Variants in TENM3 observed in about 807,000 individuals in gnomAD.
TENM3 encodes teneurin-3.
A neutral mutation model predicts 255.1 loss-of-function variants in TENM3; 63 were observed. The observed-to-expected ratio is 0.25, with a 90% CI of 0.20 to 0.30. The LOEUF (loss-of-function observed/expected upper bound fraction) is 0.30, where lower values mean the gene tolerates loss of function less well. Among genes scored for constraint, TENM3 ranks in the 10% least tolerant of loss-of-function variants. The probability of loss-of-function intolerance (pLI) is 1.00; values close to 1 mark genes in which losing one functional copy is unlikely to be tolerated. For synonymous variants in TENM3, 1,306 were observed against 1,322.3 expected, an observed-to-expected ratio of 0.99 and a Z score of 0.27; for missense variants, 2,929 against 3,461.1, an observed-to-expected ratio of 0.85 and a Z score of 3.86.
chr4:182,397,885 G>A (rs1167126519), intron 3 of TENM3, among the ~76,000 whole-genome samples: 1 of 152,166 alleles, frequency 6.6e-6, no homozygotes, highest in Non-Finnish European at 1.5e-5. Flanking sequence ...CTCTACTTCT[G>A]TGCCGTGGTC....
chr4:182,431,796 G>A (rs1036531937), intron 3 of TENM3, among the ~76,000 whole-genome samples: 5 of 152,104 alleles, frequency 3.3e-5, no homozygotes, highest in African/African-American at 9.7e-5. Flanking sequence ...AAGAGCCAGG[G>A]CCGGGCATAG....
chr4:182,092,134 G>A, the TENM3 span, among the ~76,000 whole-genome samples: 2 of 152,106 alleles, frequency 1.3e-5, no homozygotes, highest in Non-Finnish European at 2.9e-5. Context: ...GAGGTCAGGA[G>A]TTCAAAACCA....
chr4:182,650,278 A>G (rs1753139747), intron 5 of TENM3, among the ~76,000 whole-genome samples: 1 of 149,984 alleles, frequency 6.7e-6, no homozygotes, highest in African/African-American at 2.4e-5. Context: ...CAGGGCAGTG[A>G]GGGACTCAGA....
chr4:181,661,615 G>T, the TENM3 span, among the ~76,000 whole-genome samples: 1 of 152,080 alleles, frequency 6.6e-6, no homozygotes, highest in Non-Finnish European at 1.5e-5. Flanking sequence ...ACTGAATTGC[G>T]AGCCCTGTTT....
intron 16 of TENM3, among the ~76,000 whole-genome samples, chr4:182,733,048 G>C (rs72995189): frequency 0.053 from 8,043 of 152,176 alleles, 313 homozygotes; most frequent in African/African-American, 0.11. Context: ...AGTGGAGAGA[G>C]GCAGTCAACA....
intron 3 of TENM3, among the ~76,000 whole-genome samples, chr4:182,571,840 TG>T (rs1210210942): frequency 1.3e-5 from 2 of 152,162 alleles, no homozygotes; most frequent in African/African-American, 4.8e-5. Flanking sequence ...TATAAATTGT[TG>T]TGAAACAAAA....
the TENM3 span, among the ~76,000 whole-genome samples, chr4:181,836,896 A>C: frequency 6.6e-6 from 1 of 152,186 alleles, no homozygotes; most frequent in Non-Finnish European, 1.5e-5. Flanking sequence ...CTAATCCATG[A>C]ATATGGTTCA....
Position 182,304,458 on chromosome 4 carries a change from C to T in TENM3, c.-75-19488C>T, listed in dbSNP as rs528790661. Among the ~76,000 whole-genome samples, 10 of 152,218 alleles carry T rather than the reference C, an allele frequency of 6.6e-5. No homozygotes were observed. The South Asian group carries it at 1.4e-3, about 22-fold the overall frequency. ...CGATCTCCTGACCTCATGATCCACC[C>T]GCCTCGGCCTCCCTAAGTAATGGGA... On this transcript the variant is annotated intron_variant, in intron 1 of 27. Coordinates refer to ENST00000511685, the MANE Select transcript of TENM3 (RefSeq NM_001080477.4).
intron 3 of TENM3, among the ~76,000 whole-genome samples, chr4:182,551,382 A>C (rs2151933990): frequency 6.6e-6 from 1 of 152,298 alleles, no homozygotes; most frequent in East Asian, 1.9e-4. Context: ...GTTAATAAAC[A>C]GTTTTCAAAG....
the TENM3 span, among the ~76,000 whole-genome samples, chr4:182,129,943 G>A: frequency 1.3e-5 from 2 of 152,008 alleles, no homozygotes; most frequent in Non-Finnish European, 2.9e-5. Flanking sequence ...TCCAAATACA[G>A]TATACAAATC....
rs78899055 is a variant in TENM3 at position 182,157,935 on chromosome 4, C to G, written c.-76+13181C>G. Among the ~76,000 whole-genome samples the G allele has an allele frequency of 6.1e-3, 925 of 152,314 alleles. 16 individuals carry two copies. Among genetic ancestry groups the G allele is most frequent in the African/African-American group, 0.021 (858 of 41,560 alleles). Reference sequence around the variant, plus strand: ...TCACATCTACCAAGATATGCGTCCTCTCATATTTCTTAAAATATGTAGTTC... The same window carrying G: ...TCACATCTACCAAGATATGCGTCCTGTCATATTTCTTAAAATATGTAGTTC... On this transcript the variant is annotated intron_variant, in intron 1 of 2. Transcript: ENST00000512480.
chr4:182,219,629 C>T (rs776565242), intron 1 of TENM3, among the ~76,000 whole-genome samples: 1 of 152,138 alleles, frequency 6.6e-6, no homozygotes, highest in Non-Finnish European at 1.5e-5. Context: ...CGCGCCACTG[C>T]ACTCCAGCCT....
the TENM3 span, among the ~76,000 whole-genome samples, chr4:181,888,500 A>T: frequency 4.6e-5 from 1 of 21,944 alleles, no homozygotes; most frequent in East Asian, 1.3e-3. Flanking sequence ...ATGTGTATAT[A>T]TATATATATA....
the TENM3 span, among the ~76,000 whole-genome samples, chr4:181,579,949 A>G: frequency 6.7e-5 from 2 of 29,988 alleles, no homozygotes; most frequent in Non-Finnish European, 1.2e-4. Context: ...ATTTTATTTT[A>G]TTTTATTTTA....
chr4:182,535,376 T>TA (rs1740200320), intron 3 of TENM3, among the ~76,000 whole-genome samples: 1 of 152,198 alleles, frequency 6.6e-6, no homozygotes, highest in Non-Finnish European at 1.5e-5. Flanking sequence ...TCATAGACTC[T>TA]GAGGCAAGGC....
chr4:182,779,906 GT>G (rs749438088), intron 24 of TENM3, among the ~76,000 whole-genome samples: 1 of 151,980 alleles, frequency 6.6e-6, no homozygotes, highest in Admixed American at 6.5e-5. Flanking sequence ...TGATGGGGTT[GT>G]TTTTTTCTTG....
the TENM3 span, among the ~76,000 whole-genome samples, chr4:181,946,512 A>G: frequency 1.3e-5 from 2 of 152,140 alleles, no homozygotes; most frequent in Non-Finnish European, 2.9e-5. Flanking sequence ...AATTTGTCCA[A>G]ACCTCTCATT....
intron 1 of TENM3, among the ~76,000 whole-genome samples, chr4:182,257,678 G>A (rs1051907454): frequency 6.6e-6 from 1 of 152,144 alleles, no homozygotes; most frequent in Non-Finnish European, 1.5e-5. Context: ...AAGAACAAAA[G>A]GAGCCATGGG....
the TENM3 span, among the ~76,000 whole-genome samples, chr4:181,727,250 C>A: frequency 6.6e-6 from 1 of 152,314 alleles, no homozygotes; most frequent in East Asian, 1.9e-4. Flanking sequence ...CCAGCCCCCA[C>A]CGCCATCTTG....
Sources: allele counts gnomAD v4.1 joint callset (sites outside exome capture counted in the v4.1 genomes callset), GRCh38; gene constraint gnomAD v4.1.1; transcripts MANE v1.5; gene names NCBI Gene and HGNC (gene_info 2026-07-23, HGNC 2026-07-21).